DISC1: variants seen among roughly 807,000 people sequenced by gnomAD.
DISC1 encodes disrupted in schizophrenia 1 protein.
In DISC1, 57 loss-of-function variants were observed where a neutral mutation model predicts 84.5. That is an observed-to-expected ratio of 0.67 (90% CI 0.55 to 0.84). The LOEUF is 0.84. DISC1 is among the 40% of genes least tolerant of loss of function. The pLI is 0.00. For missense variants in DISC1, 1,000 were observed against 1,057.8 expected, an observed-to-expected ratio of 0.95 and a Z score of 0.76; for synonymous variants, 411 against 415.2, an observed-to-expected ratio of 0.99 and a Z score of 0.12.
At chr1:231,712,329 C>T (rs762686602) in intron 3 of DISC1, among the ~76,000 whole-genome samples, 5 of 152,094 alleles carry the variant, frequency 3.3e-5, no homozygotes, top group African/African-American at 7.2e-5. Flanking sequence ...AATTTATATA[C>T]GGCATAACCA....
Position 231,826,979 on chromosome 1 carries a change from T to C in DISC1, c.1981+8462T>C, listed in dbSNP as rs541646661. ...CTTCTTTTGAGTGAGTTTTGAACTT[T>C]AGTTAAATAAAACAACTTTTTTTTT... is the stretch of plus-strand genomic sequence containing the variant. On this transcript the variant is annotated intron_variant, in intron 9 of 12. Coordinates refer to ENST00000439617, the MANE Select transcript of DISC1 (RefSeq NM_018662.3). This position sits in a 1 kb window ranked among gnomAD's most constrained non-coding sequence, Gnocchi z 4.2. Among the ~76,000 whole-genome samples, 5 of 152,326 alleles carry C rather than the reference T, an allele frequency of 3.3e-5. No individual in the cohort carries two copies. The South Asian group carries it at 8.3e-4, about 25-fold the overall frequency.
At chr1:231,792,199 C>A (rs1055322605) in intron 6 of DISC1, among the ~76,000 whole-genome samples, 2 of 152,156 alleles carry the variant, frequency 1.3e-5, no homozygotes, top group African/African-American at 4.8e-5. Flanking sequence ...AATTATAAAT[C>A]AAATTAAATA....
chr1:231,773,442 T>C (rs2125473342), intron 6 of DISC1, among the ~76,000 whole-genome samples: 1 of 152,332 alleles, frequency 6.6e-6, no homozygotes, highest in Non-Finnish European at 1.5e-5. Flanking sequence ...TGGAGTGCAG[T>C]GGTGCGATCT....
At chr1:231,661,869 G>A (rs1221489469) in intron 1 of DISC1, among the ~76,000 whole-genome samples, 1 of 152,162 alleles carries the variant, frequency 6.6e-6, no homozygotes, top group African/African-American at 2.4e-5. Flanking sequence ...GCTTATCTTT[G>A]TGGGCTTATC....
intron 3 of DISC1, among the ~76,000 whole-genome samples, chr1:231,746,455 GA>G (rs1226791725): frequency 1.3e-5 from 2 of 152,108 alleles, no homozygotes; most frequent in Non-Finnish European, 2.9e-5. Context: ...CTTTCTTTTG[GA>G]TAAATGTGCA....
intron 1 of DISC1, among the ~76,000 whole-genome samples, chr1:231,666,107 G>A (rs902087604): frequency 3.3e-5 from 5 of 152,072 alleles, no homozygotes; most frequent in African/African-American, 9.7e-5. Flanking sequence ...CCCTTAATCC[G>A]AATGTTAGAT....
intron 1 of DISC1, among the ~76,000 whole-genome samples, chr1:231,663,314 C>T (rs925153924): frequency 1.3e-5 from 2 of 152,114 alleles, no homozygotes; most frequent in Non-Finnish European, 2.9e-5. Flanking sequence ...CCACAATATA[C>T]GAAGCAAATG....
chr1:231,944,906 A>G (rs1316039166), intron 9 of DISC1: 3 of 152,228 alleles, frequency 2.0e-5, no homozygotes, highest in Non-Finnish European at 4.4e-5. Flanking sequence ...TCCTAAATAT[A>G]TCTGCACCCA....
chr1:231,721,322 A>G (rs1326432296), intron 3 of DISC1, among the ~76,000 whole-genome samples: 2 of 152,176 alleles, frequency 1.3e-5, no homozygotes, highest in East Asian at 3.8e-4. Flanking sequence ...AGTTTTTAGG[A>G]GAGAAAAAAT....
chr1:231,839,977 T>C (rs542502138), intron 9 of DISC1, among the ~76,000 whole-genome samples: 8 of 152,266 alleles, frequency 5.3e-5, no homozygotes, highest in Non-Finnish European at 8.8e-5. Context: ...ACCTCCAACA[T>C]TGAGGAATCA....
chr1:231,796,425 G>C (rs945567737), intron 7 of DISC1, among the ~76,000 whole-genome samples: 1 of 146,388 alleles, frequency 6.8e-6, no homozygotes, highest in Non-Finnish European at 1.5e-5. Context: ...ACTCTCTTCC[G>C]GTCTCTGTGC....
intron 9 of DISC1, among the ~76,000 whole-genome samples, chr1:231,839,988 C>T (rs900074530): frequency 1.3e-5 from 2 of 152,176 alleles, no homozygotes; most frequent in African/African-American, 4.8e-5. Flanking sequence ...TGAGGAATCA[C>T]ATTTCAACAT....
intron 10 of DISC1, among the ~76,000 whole-genome samples, chr1:232,002,757 G>A (rs1274966978): frequency 6.6e-6 from 1 of 152,124 alleles, no homozygotes; most frequent in African/African-American, 2.4e-5. Context: ...AGAGGGGGAG[G>A]CATGGGACGT....
At position 232,041,115 on chromosome 1, in the gene DISC1, G is replaced by A. The variant is rs1168199859; in HGVS notation, c.*4284G>A. 1 of 152,144 alleles carries A rather than the reference G, an allele frequency of 6.6e-6. No individual in the cohort carries two copies. The highest frequency in any genetic ancestry group is 1.5e-5 in the Non-Finnish European group (1 of 68,040). 9.4% of individuals were successfully genotyped at this position (152,144 alleles called of 1,614,324 possible). On this transcript the variant is annotated 3_prime_UTR_variant, in exon 13 of 13. Transcript: ENST00000439617. The stretch of plus-strand genomic sequence containing the variant: ...CTTTTTGTTATACAAAATAAAAGCT[G>A]ATATCCAAGGCATGGTGCATCTTGA...
chr1:231,639,669 C>T (rs2059475340), intron 1 of DISC1, among the ~76,000 whole-genome samples: 1 of 152,202 alleles, frequency 6.6e-6, no homozygotes. Context: ...TCTCAGTGTC[C>T]TCCCTTGTGA....
intron 6 of DISC1, among the ~76,000 whole-genome samples, chr1:231,775,172 A>T (rs2076869063): frequency 6.6e-6 from 1 of 152,268 alleles, no homozygotes; most frequent in South Asian, 2.1e-4. Context: ...CATAGAGGCC[A>T]GATACAAACT....
intron 10 of DISC1, among the ~76,000 whole-genome samples, chr1:232,002,774 G>T (rs1408689724): frequency 1.3e-5 from 2 of 152,138 alleles, no homozygotes; most frequent in Admixed American, 6.5e-5. Context: ...ACGTAGGCAG[G>T]TGTGGTTATA....
At chr1:231,989,298 C>G (rs1424580272) in intron 10 of DISC1, among the ~76,000 whole-genome samples, 1 of 152,220 alleles carries the variant, frequency 6.6e-6, no homozygotes, top group East Asian at 1.9e-4. Context: ...GCAGGTCCTG[C>G]TGGAAGTTCA....
intron 6 of DISC1, among the ~76,000 whole-genome samples, chr1:231,780,383 A>C (rs2077327699): frequency 6.6e-6 from 1 of 152,222 alleles, no homozygotes; most frequent in African/African-American, 2.4e-5. Context: ...CAGATGTAAA[A>C]AAAGACTTTA....
Sources: gnomAD v4.1 joint callset for allele counts (sites outside exome capture counted in the v4.1 genomes callset) on GRCh38, gnomAD v4.1.1 for gene constraint, Gnocchi (gnomAD v3.1) non-coding constraint, MANE v1.5 for transcripts, NCBI Gene and HGNC (gene_info 2026-07-23, HGNC 2026-07-21) for gene names.